Variants in LUC7L2 observed in about 807,000 individuals in gnomAD.
The protein encoded by LUC7L2 is LUC7 like 2, pre-mRNA splicing factor, also known as putative RNA-binding protein Luc7-like 2.
A neutral mutation model predicts 52.8 loss-of-function variants in LUC7L2; 25 were observed. That is an observed-to-expected ratio of 0.47 (90% CI 0.34 to 0.66). The LOEUF (loss-of-function observed/expected upper bound fraction) is 0.66, where lower values mean the gene tolerates loss of function less well. Among genes scored for constraint, LUC7L2 ranks in the 30% least tolerant of loss-of-function variants. LUC7L2 has a pLI of 0.01. For synonymous variants in LUC7L2, 144 were observed against 160.9 expected (o/e 0.89, Z 0.80); for missense variants, 328 against 497.8 (o/e 0.66, Z 3.25).
intron 2 of LUC7L2, 75 bp downstream of exon 2, chr7:139,376,231 T>TG: frequency 6.8e-7 from 1 of 1,477,812 alleles, no homozygotes; most frequent in Non-Finnish European, 9.3e-7. Context: ...GTCTTAATTC[T>TG]GTGTCAAAAG....
chr7:139,381,567 G>A (rs1195719291), intron 2 of LUC7L2, among the ~76,000 whole-genome samples: 1 of 150,444 alleles, frequency 6.6e-6, no homozygotes, highest in Non-Finnish European at 1.5e-5. Flanking sequence ...GCGCCACTAG[G>A]CTCGGCTAAT....
chr7:139,380,395 C>T (rs373581524), intron 2 of LUC7L2, among the ~76,000 whole-genome samples: 5 of 151,262 alleles, frequency 3.3e-5, no homozygotes, highest in African/African-American at 7.3e-5. Context: ...GTCAGGAGTT[C>T]GAGACCAGCC....
In LUC7L2 at chr7:139,401,732, C is replaced by T. The variant is rs188756478; in HGVS notation, c.256-405C>T. 2.6e-4 allele frequency among the ~76,000 whole-genome samples: 39 copies of T among 150,580 alleles called. No homozygotes were observed. The South Asian group carries it at 7.6e-3, about 29-fold the overall frequency. On this transcript the variant is annotated intron_variant, in intron 3 of 9. Coordinates refer to ENST00000354926, the MANE Select transcript of LUC7L2 (RefSeq NM_016019.5). ...CCTCCCAAAGTGCTGGAATTATAGGCGTGACCCACCACGCCCAGCTTCTTT... is the reference window on the plus strand; with the variant it reads ...CCTCCCAAAGTGCTGGAATTATAGGTGTGACCCACCACGCCCAGCTTCTTT...
intron 1 of LUC7L2, among the ~76,000 whole-genome samples, chr7:139,364,548 TTAATCA>T (rs1447276123): frequency 6.6e-6 from 1 of 152,332 alleles, no homozygotes; most frequent in East Asian, 1.9e-4. Context: ...AGTTAACATA[TTAATCA>T]TAATATTTTT....
At chr7:139,407,578 T>C (rs1184397919) in intron 6 of LUC7L2, among the ~76,000 whole-genome samples, 3 of 152,190 alleles carry the variant, frequency 2.0e-5, no homozygotes, top group Non-Finnish European at 4.4e-5. Flanking sequence ...ATATTAGATA[T>C]GACACCGAGT....
chr7:139,412,924 G>T (rs139466264), intron 8 of LUC7L2: 22 of 157,702 alleles, frequency 1.4e-4, no homozygotes, highest in African/African-American at 4.6e-4. Context: ...ATCAATTTGG[G>T]TGGTACATTT....
chr7:139,347,693 AAAAG>A (rs1799315018), intron 1 of LUC7L2, among the ~76,000 whole-genome samples: 1 of 152,058 alleles, frequency 6.6e-6, no homozygotes, highest in South Asian at 2.1e-4. Flanking sequence ...ATGTATAAAA[AAAAG>A]AAATGTTTAA....
chr7:139,341,102 T>C (rs995330133), intron 1 of LUC7L2: 13 of 337,050 alleles, frequency 3.9e-5, no homozygotes, highest in African/African-American at 2.8e-4. Context: ...GCATCTTCAA[T>C]GACGCAGTGA....
intron 2 of LUC7L2, among the ~76,000 whole-genome samples, chr7:139,390,563 T>C (rs539159481): frequency 1.3e-5 from 2 of 149,622 alleles, no homozygotes; most frequent in Non-Finnish European, 3.0e-5. Flanking sequence ...TGTAGTTTTT[T>C]TTTTTTTTTT....
intron 7 of LUC7L2, 32 bp from the exon 8 acceptor site, chr7:139,412,518 AC>A: frequency 6.3e-7 from 1 of 1,578,198 alleles, no homozygotes; most frequent in Non-Finnish European, 8.6e-7. Flanking sequence ...ATTTATAGCC[AC>A]TTTTCTAAAA....
rs376694613 is a variant in LUC7L2 at position 139,412,434 on chromosome 7, C to T, written c.780-117C>T. ...GGAAAATTTTGTGTGCGTAGGTACA[C>T]GCCTTGTATTTATAAAATTAATGTA... On this transcript the variant is annotated intron_variant, in intron 7 of 9. Coordinates refer to ENST00000354926, the MANE Select transcript of LUC7L2 (RefSeq NM_016019.5). 236 of 1,276,648 alleles carry T rather than the reference C, an allele frequency of 1.8e-4. 4 individuals are homozygous for T. Among genetic ancestry groups the T allele is most frequent in the African/African-American group, 1.1e-3 (73 of 64,600 alleles). The allele number at this position is 1,276,648 out of a possible 1,614,324, so 79.1% of individuals were successfully genotyped here. A position where few individuals can be genotyped will look rare whatever the true frequency, so the allele number is the denominator to read the frequency against.
chr7:139,350,349 C>T (rs963718002), intron 1 of LUC7L2, among the ~76,000 whole-genome samples: 8 of 152,114 alleles, frequency 5.3e-5, no homozygotes, highest in Non-Finnish European at 8.8e-5. Flanking sequence ...TCTCCATCTC[C>T]TGACCTCATG....
Position 139,403,138 on chromosome 7 carries a change from T to C in LUC7L2, c.366+891T>C, listed in dbSNP as rs912244610. Among the ~76,000 whole-genome samples the C allele has an allele frequency of 2.6e-5, 4 of 152,256 alleles. No individual in the cohort carries two copies. The East Asian group carries it at 5.8e-4, about 22-fold the overall frequency. ...TTTTTATTTCTCCATTGTACAGATA[T>C]ACCACAGTATTTTTATTTGCTTTTA... On this transcript the variant is annotated intron_variant, in intron 4 of 9. Coordinates refer to ENST00000354926, the MANE Select transcript of LUC7L2 (RefSeq NM_016019.5).
At chr7:139,385,707 T>G (rs1794166182) in intron 2 of LUC7L2, among the ~76,000 whole-genome samples, 1 of 152,212 alleles carries the variant, frequency 6.6e-6, no homozygotes, top group South Asian at 2.1e-4. Context: ...TGAAGCAGAT[T>G]GTTTTTCATA....
chr7:139,409,946 G>A (rs1212095490), intron 7 of LUC7L2, among the ~76,000 whole-genome samples: 1 of 152,142 alleles, frequency 6.6e-6, no homozygotes, highest in Non-Finnish European at 1.5e-5. Flanking sequence ...GGTGGCTCAC[G>A]CCTGTAATTC....
intron 2 of LUC7L2, among the ~76,000 whole-genome samples, chr7:139,393,075 A>G (rs1794514195): frequency 6.6e-6 from 1 of 152,042 alleles, no homozygotes; most frequent in Non-Finnish European, 1.5e-5. Flanking sequence ...TAGACCAGCC[A>G]GGCCAACATG....
At chr7:139,413,507 G>A (rs1795458577) in intron 8 of LUC7L2, among the ~76,000 whole-genome samples, 1 of 152,216 alleles carries the variant, frequency 6.6e-6, no homozygotes. Flanking sequence ...TGAGCGCAGT[G>A]CCTCACGCTT....
intron 6 of LUC7L2, 58 bp from the exon 7 acceptor site, chr7:139,409,505 T>C (rs1283103360): frequency 6.5e-7 from 1 of 1,542,992 alleles, no homozygotes; most frequent in East Asian, 2.4e-5. Flanking sequence ...AAGTTTAGGA[T>C]AAAGCTGTTT....
In LUC7L2 at chr7:139,390,557, G is replaced by GTTTT. The variant is rs528049490; in HGVS notation, c.157-8029_157-8026dup. Among the ~76,000 whole-genome samples the GTTTT allele has an allele frequency of 3.2e-5, 4 of 125,188 alleles. 1 individual carries two copies. Among genetic ancestry groups the GTTTT allele is most frequent in the East Asian group, 2.3e-4 (1 of 4,292 alleles). 82.1% of individuals were successfully genotyped at this position (125,188 alleles called of 152,430 possible). A position where few individuals can be genotyped will look rare whatever the true frequency, so the allele number is the denominator to read the frequency against. On this transcript the variant is annotated intron_variant, in intron 2 of 9. Transcript: ENST00000354926. ...TCTGTCTTATTACTTAGACAATGTA[G>GTTTT]TTTTTTTTTTTTTTTTGAGACGGAG...
Sources: gnomAD v4.1 joint callset for allele counts (sites outside exome capture counted in the v4.1 genomes callset) on GRCh38, gnomAD v4.1.1 for gene constraint, MANE v1.5 for transcripts, NCBI Gene and HGNC (gene_info 2026-07-23, HGNC 2026-07-21) for gene names.